The following LSMEM2 variants were observed in gnomAD, a reference collection of about 807,000 sequenced individuals.
The protein encoded by LSMEM2 is leucine-rich single-pass membrane protein 2.
In LSMEM2, 20 loss-of-function variants were observed where a neutral mutation model predicts 17.3. The ratio of observed to expected loss-of-function variants is 1.16; its 90% CI spans 0.81 to 1.68. The LOEUF (loss-of-function observed/expected upper bound fraction) is 1.68. Among genes scored for constraint, LSMEM2 ranks in the 40% most tolerant of loss-of-function variants. LSMEM2 has a pLI of 0.00. For synonymous variants in LSMEM2, 94 were observed against 97.8 expected (o/e 0.96, Z 0.23); for missense variants, 207 against 214.3 (o/e 0.97, Z 0.21).
intron 1 of LSMEM2, among the ~76,000 whole-genome samples, chr3:50,281,670 A>ATTT (rs144025924): frequency 1.4e-4 from 13 of 95,482 alleles, no homozygotes; most frequent in Non-Finnish European, 1.6e-4. Context: ...GCAGCAGGGA[A>ATTT]TTTTTTTTTT....
chr3:50,285,988 AG>A (rs1701511279), intron 1 of LSMEM2, among the ~76,000 whole-genome samples: 1 of 152,276 alleles, frequency 6.6e-6, no homozygotes, highest in African/African-American at 2.4e-5. Context: ...TGAAAACAGC[AG>A]GGTTCACACA....
chr3:50,283,185 A>AAAAC (rs587650006), intron 1 of LSMEM2, among the ~76,000 whole-genome samples: 1 of 151,502 alleles, frequency 6.6e-6, no homozygotes, highest in African/African-American at 2.4e-5. Context: ...TTCTGTCTCA[A>AAAAC]AAACAAACAA....
upstream of LSMEM2, among the ~76,000 whole-genome samples, chr3:50,278,451 T>C (rs1254383492): frequency 1.3e-5 from 2 of 152,220 alleles, no homozygotes; most frequent in African/African-American, 2.4e-5. Flanking sequence ...GCCACTGTTA[T>C]TCCGACTTTA....
rs587757636 is a variant in LSMEM2, at chr3:50,287,110, C to T, written c.403C>T (p.Arg135Cys). 5.4e-5 allele frequency: 87 copies of T among 1,614,132 alleles called. No individual in the cohort carries two copies. Among genetic ancestry groups the T allele is most frequent in the Non-Finnish European group, 6.8e-5 (80 of 1,180,036 alleles). ...ESLRILAHTL[R>C]TQEETLLKLR... The stretch of plus-strand genomic sequence containing the variant: ...CCTGCGCATCCTGGCACACACGCTC[C>T]GCACGCAGGAGGAGACACTACTCAA... The change falls in exon 4 of 4, where the codon CGC (arginine) becomes TGC (cysteine). Residue 135 changes from arginine to cysteine, a missense_variant. Physicochemically the swap from Arg to Cys is radical, Grantham distance 180 (BLOSUM62 -3). Transcript: ENST00000316436.
intron 1 of LSMEM2, among the ~76,000 whole-genome samples, chr3:50,281,639 A>C (rs1701400897): frequency 2.1e-5 from 3 of 146,236 alleles, no homozygotes; most frequent in Admixed American, 6.8e-5. Context: ...CTGGGATTAT[A>C]GGTGTGAGCC....
intron 1 of LSMEM2, among the ~76,000 whole-genome samples, chr3:50,283,949 T>C (rs1462532279): frequency 3.3e-5 from 5 of 152,240 alleles, no homozygotes; most frequent in Non-Finnish European, 7.3e-5. Flanking sequence ...CTTGCGCCTA[T>C]AATCCCAGCA....
At chr3:50,282,204 GT>G (rs1451706707) in intron 1 of LSMEM2, among the ~76,000 whole-genome samples, 2 of 151,764 alleles carry the variant, frequency 1.3e-5, no homozygotes, top group Non-Finnish European at 2.9e-5. Flanking sequence ...GCCCTGGCTG[GT>G]TTCAAACTCT....
At chr3:50,284,365 A>C (rs782489680) in intron 1 of LSMEM2, among the ~76,000 whole-genome samples, 2 of 152,102 alleles carry the variant, frequency 1.3e-5, no homozygotes, top group Admixed American at 1.3e-4. Flanking sequence ...GGGGATGCCT[A>C]ATGGTGGCAA....
intron 1 of LSMEM2, among the ~76,000 whole-genome samples, chr3:50,280,647 G>A (rs1553707650): frequency 1.3e-5 from 2 of 149,076 alleles, no homozygotes; most frequent in Non-Finnish European, 3.0e-5. Flanking sequence ...AGGCTGGAGT[G>A]CAGTGGCGCG....
Position 50,279,105 on chromosome 3 carries a change from T to C in LSMEM2, c.-9T>C, listed in dbSNP as rs1701334239. 1 of 1,614,062 alleles carries C rather than the reference T, an allele frequency of 6.2e-7. No individual in the cohort carries two copies. Among genetic ancestry groups the C allele is most frequent in the Non-Finnish European group, 8.5e-7 (1 of 1,179,890 alleles). On this transcript the variant is annotated 5_prime_UTR_variant, in exon 1 of 4. Transcript: ENST00000316436. ...AGCCACTGCTGCATTTGTCCAGTCC[T>C]GCTACTGGATGCCATCATTGGCCCC...
Position 50,288,054 on chromosome 3 carries a change from C to T in LSMEM2, c.*852C>T. 1 of 794,058 alleles carries T rather than the reference C, an allele frequency of 1.3e-6. No individual in the cohort carries two copies. The highest frequency in any genetic ancestry group is 2.1e-6 in the Non-Finnish European group (1 of 483,448). 49.2% of individuals were successfully genotyped at this position (794,058 alleles called of 1,614,324 possible). On this transcript the variant is annotated 3_prime_UTR_variant, in exon 4 of 4. Transcript: ENST00000316436. ...CCCAAGTGTCCGGGCCCCCAGCTACCCACCCCATGTCTGTTTTTGGTTTTG... is the reference window on the plus strand; with the variant it reads ...CCCAAGTGTCCGGGCCCCCAGCTACTCACCCCATGTCTGTTTTTGGTTTTG...
intron 3 of LSMEM2, 34 bp downstream of exon 3, chr3:50,286,896 A>G (rs1188233376): frequency 6.8e-6 from 11 of 1,608,760 alleles, no homozygotes; most frequent in Admixed American, 1.7e-5. Flanking sequence ...AGGAATGGAA[A>G]GCAAGGCAGT....
At chr3:50,286,900 A>AT in intron 3 of LSMEM2, 38 bp downstream of exon 3, 1 of 1,607,406 alleles carries the variant, frequency 6.2e-7, no homozygotes, top group Non-Finnish European at 8.5e-7. Context: ...ATGGAAAGCA[A>AT]GGCAGTGGGG....
chr3:50,287,085 C>T lies in LSMEM2; in HGVS notation c.378C>T (p.Ser126=). Reference sequence around the variant, plus strand: ...CATTCACAGTGCTGCAGAGTGAATCCCTGCGCATCCTGGCACACACGCTCC... The same window carrying T: ...CATTCACAGTGCTGCAGAGTGAATCTCTGCGCATCCTGGCACACACGCTCC... The part of the protein sequence containing the change: ...AVYLSVLQSE[S]LRILAHTLRT... Residue 126 remains serine, a synonymous_variant, in exon 4 of 4, where the codon TCC becomes TCT. Transcript: ENST00000316436. 1.2e-6 allele frequency: 2 copies of T among 1,614,140 alleles called. No homozygotes were observed. The highest frequency in any genetic ancestry group is 1.7e-6 in the Non-Finnish European group (2 of 1,180,014).
intron 1 of LSMEM2, among the ~76,000 whole-genome samples, chr3:50,283,599 C>G (rs1448542803): frequency 6.7e-6 from 1 of 149,538 alleles, no homozygotes; most frequent in Admixed American, 6.7e-5. Context: ...TGCACTCCAG[C>G]CTGGGCGGCA....
At position 50,287,382 on chromosome 3, in the gene LSMEM2, A is replaced by C; in HGVS notation, c.*180A>C. The stretch of plus-strand genomic sequence containing the variant: ...CTCCCTCTCCTGATCTCTTCAAGCC[A>C]GGCCTAGCCAAGCCTCTGGTGCCAA... On this transcript the variant is annotated 3_prime_UTR_variant, in exon 4 of 4. Transcript: ENST00000316436. 1 of 855,526 alleles carries C rather than the reference A, an allele frequency of 1.2e-6. No homozygotes were observed. Among genetic ancestry groups the C allele is most frequent in the South Asian group, 1.8e-5 (1 of 56,896 alleles). 53.0% of individuals were successfully genotyped at this position (855,526 alleles called of 1,614,324 possible).
At position 50,287,534 on chromosome 3, in the gene LSMEM2, T is replaced by C; in HGVS notation, c.*332T>C. The C allele has an allele frequency of 2.9e-6, 1 of 345,472 alleles. No individual in the cohort carries two copies. The highest frequency in any genetic ancestry group is 5.5e-6 in the Non-Finnish European group (1 of 182,104). 21.4% of individuals were successfully genotyped at this position (345,472 alleles called of 1,614,324 possible). On this transcript the variant is annotated 3_prime_UTR_variant, in exon 4 of 4. Transcript: ENST00000316436. ...TGAAGTCTAGAAATAGCTGCCCCCA[T>C]AGCAATCACCCAAACTCTGCCAGGG...
At chr3:50,280,987 T>C (rs1259223463) in intron 1 of LSMEM2, among the ~76,000 whole-genome samples, 1 of 152,166 alleles carries the variant, frequency 6.6e-6, no homozygotes, top group Non-Finnish European at 1.5e-5. Context: ...ACTGTGTGTT[T>C]TTCCTGTAAT....
intron 1 of LSMEM2, among the ~76,000 whole-genome samples, chr3:50,281,044 G>A (rs587631311): frequency 6.6e-6 from 1 of 150,662 alleles, no homozygotes; most frequent in South Asian, 2.1e-4. Flanking sequence ...GCACAACAAA[G>A]TACAAAGAGG....
Sources: allele counts gnomAD v4.1 joint callset (sites outside exome capture counted in the v4.1 genomes callset), GRCh38; gene constraint gnomAD v4.1.1; transcripts MANE v1.5; gene names NCBI Gene and HGNC (gene_info 2026-07-23, HGNC 2026-07-21).